Variants in TSPAN19 observed in about 807,000 individuals in gnomAD.
TSPAN19 encodes tetraspanin-19.
TSPAN19 carries 44 observed loss-of-function variants against 35.1 expected under a neutral mutation model. The ratio of observed to expected loss-of-function variants is 1.25; its 90% CI spans 0.98 to 1.61. TSPAN19 has a LOEUF of 1.61. Ranked by LOEUF, TSPAN19 falls within the 40% of genes most tolerant of loss-of-function variation. The pLI, the probability that TSPAN19 is intolerant of heterozygous loss-of-function variation, is 0.00. For synonymous variants in TSPAN19, 79 were observed against 92.0 expected (o/e 0.86, Z 0.81); for missense variants, 290 against 280.0 (o/e 1.04, Z -0.26).
chr12:85,021,070 A>G (rs1405386980), intron 5 of TSPAN19, among the ~76,000 whole-genome samples: 2 of 152,074 alleles, frequency 1.3e-5, no homozygotes, highest in African/African-American at 2.4e-5. Flanking sequence ...TAACTTAAGC[A>G]TTTACAAATT....
At chr12:85,035,118 C>A (rs1877895899) in intron 1 of TSPAN19, 1 of 152,058 alleles carries the variant, frequency 6.6e-6, no homozygotes, top group Non-Finnish European at 1.5e-5. Flanking sequence ...GAGGTTCGAA[C>A]ACAGTAGCTC....
chr12:85,027,277 T>A (rs1259789871), intron 4 of TSPAN19, among the ~76,000 whole-genome samples: 4 of 152,108 alleles, frequency 2.6e-5, no homozygotes, highest in Non-Finnish European at 5.9e-5. Flanking sequence ...TAGACACTAT[T>A]ATTAAAGAGG....
At chr12:85,022,467 C>T (rs35132098) in intron 5 of TSPAN19, among the ~76,000 whole-genome samples, 1,654 of 152,006 alleles carry the variant, frequency 0.011, 27 homozygotes, top group Admixed American at 0.042. Flanking sequence ...TTAATTAAGG[C>T]GAGGTAAGAG....
In TSPAN19 at chr12:85,023,485, G is replaced by A. The variant is rs1334329428; in HGVS notation, c.265-85C>T. On this transcript the variant is annotated intron_variant, in intron 4 of 8. Coordinates refer to ENST00000532498, the MANE Select transcript of TSPAN19 (RefSeq NM_001100917.2). ...AAATAATGGGAAAACACACACCATT[G>A]GAAATATGCAACCATAAAGTATATA... 31 of 1,076,202 alleles carry A rather than the reference G, an allele frequency of 2.9e-5. No homozygotes were observed. In the South Asian group the frequency reaches 3.6e-4, roughly 12 times the overall value. The allele number at this position is 1,076,202 out of a possible 1,614,324, so 66.7% of individuals were successfully genotyped here. A position where few individuals can be genotyped will look rare whatever the true frequency, so the allele number is the denominator to read the frequency against.
rs184891790 is a variant in TSPAN19 at position 85,025,430 on chromosome 12, A to T, written c.265-2030T>A. On this transcript the variant is annotated intron_variant, in intron 4 of 8. Coordinates refer to ENST00000532498, the MANE Select transcript of TSPAN19 (RefSeq NM_001100917.2). ...GTTGGGATTACAGGCGTGAGCCACCACACCCGGCATATGAAACAATTTTTA... is the reference window on the plus strand; with the variant it reads ...GTTGGGATTACAGGCGTGAGCCACCTCACCCGGCATATGAAACAATTTTTA... Among the ~76,000 whole-genome samples, 660 of 150,850 alleles carry T rather than the reference A, an allele frequency of 4.4e-3. 6 individuals are homozygous for T. The highest frequency in any genetic ancestry group is 6.8e-3 in the Non-Finnish European group (460 of 67,576).
At position 85,015,541 on chromosome 12, in the gene TSPAN19, T is replaced by C. The variant is rs1033685916; in HGVS notation, c.678+347A>G. 2.1e-3 allele frequency: 306 copies of C among 146,958 alleles called. 2 individuals are homozygous for C. Among genetic ancestry groups the C allele is most frequent in the South Asian group, 4.1e-3 (18 of 4,408 alleles). The allele number at this position is 146,958 out of a possible 1,614,324, so 9.1% of individuals were successfully genotyped here. ...CTCTTACTGCCAATATATGAACATA[T>C]ACACACACACACACACACACACACA... On this transcript the variant is annotated intron_variant, in intron 8 of 8. Transcript: ENST00000532498.
At position 85,032,650 on chromosome 12, in the gene TSPAN19, T is replaced by C. The variant is rs770704720; in HGVS notation, c.-27-2677A>G. Among the ~76,000 whole-genome samples, 7 of 152,194 alleles carry C rather than the reference T, an allele frequency of 4.6e-5. No homozygotes were observed. In the South Asian group the frequency reaches 6.2e-4, roughly 13 times the overall value. On this transcript the variant is annotated intron_variant, in intron 1 of 8. Transcript: ENST00000532498. Reference sequence around the variant, plus strand: ...AAAGAATGGTAAAATGAGATGTTCATGTGTTGGCTTTTTCAGCCATAAGCT... The same window carrying C: ...AAAGAATGGTAAAATGAGATGTTCACGTGTTGGCTTTTTCAGCCATAAGCT...
chr12:85,034,630 T>A (rs1417228633), intron 1 of TSPAN19, among the ~76,000 whole-genome samples: 1 of 152,198 alleles, frequency 6.6e-6, no homozygotes, highest in Admixed American at 6.5e-5. Flanking sequence ...CTAGGAATAA[T>A]GCAATTAAAA....
chr12:85,017,285 G>A, intron 7 of TSPAN19, 171 bp downstream of exon 7: 1 of 597,788 alleles, frequency 1.7e-6, no homozygotes, highest in East Asian at 2.9e-5. Context: ...CACTGGAAAT[G>A]ACACTACAAT....
In TSPAN19 at chr12:85,029,778, A is replaced by C; in HGVS notation, c.80T>G (p.Leu27Ter). The C allele has an allele frequency of 6.5e-7, 1 of 1,544,918 alleles. No homozygotes were observed. Among genetic ancestry groups the C allele is most frequent in the Non-Finnish European group, 8.7e-7 (1 of 1,145,434 alleles). ...GAGCCATGCACCAAATCCCATGAAT[A>C]AAAGTCCAAGAACCTAAAAAAAGAA... ...INGAFLVLGL[L>*]FMGFGAWLLL... is the part of the protein sequence containing the mutation. Residue 27 changes from leucine to a stop codon, truncating the protein, a stop_gained, in exon 3 of 9, where the codon TTA becomes TGA. Coordinates refer to ENST00000532498, the MANE Select transcript of TSPAN19 (RefSeq NM_001100917.2). LOFTEE classifies it high-confidence loss of function.
At chr12:85,018,973 GT>G (rs879707558) in intron 6 of TSPAN19, among the ~76,000 whole-genome samples, 7 of 151,704 alleles carry the variant, frequency 4.6e-5, no homozygotes, top group Non-Finnish European at 8.8e-5. Context: ...ATCTATTTCT[GT>G]AAACCATTTA....
At chr12:85,034,835 C>T (rs1046232920) in intron 1 of TSPAN19, among the ~76,000 whole-genome samples, 4 of 152,088 alleles carry the variant, frequency 2.6e-5, no homozygotes, top group Non-Finnish European at 4.4e-5. Context: ...GATCTATCAC[C>T]ATGAATTAAT....
chr12:85,031,106 C>T (rs1022729117), intron 1 of TSPAN19, among the ~76,000 whole-genome samples: 2 of 152,088 alleles, frequency 1.3e-5, no homozygotes, highest in Non-Finnish European at 2.9e-5. Flanking sequence ...CCTACTTTAT[C>T]GTAAACCATC....
intron 3 of TSPAN19, among the ~76,000 whole-genome samples, chr12:85,029,094 C>G (rs1194620065): frequency 6.6e-6 from 1 of 152,080 alleles, no homozygotes. Flanking sequence ...ATTATAGGCA[C>G]TTTGTTTTTC....
At chr12:85,017,687 G>T (rs1282889463) in intron 6 of TSPAN19, 88 bp from the exon 7 acceptor site, 7 of 974,214 alleles carry the variant, frequency 7.2e-6, no homozygotes, top group Non-Finnish European at 1.0e-5. Flanking sequence ...TTTTTGTGAT[G>T]AAGATAACTC....
chr12:85,027,052 G>C (rs1371292129), intron 4 of TSPAN19, among the ~76,000 whole-genome samples: 1 of 152,140 alleles, frequency 6.6e-6, no homozygotes, highest in Non-Finnish European at 1.5e-5. Flanking sequence ...TATTTCATCT[G>C]AGTGTGTGAA....
Position 85,017,578 on chromosome 12 carries a change from TA to T in TSPAN19, c.471del (p.His157GlnfsTer7). 6.3e-7 allele frequency: 1 copy of T among 1,585,186 alleles called. No homozygotes were observed. The highest frequency in any genetic ancestry group is 8.6e-7 in the Non-Finnish European group (1 of 1,164,468). On this transcript the variant is annotated frameshift_variant, in exon 7 of 9. Coordinates refer to ENST00000532498, the MANE Select transcript of TSPAN19 (RefSeq NM_001100917.2). LOFTEE classifies it high-confidence loss of function. ...TTATTCTTTATCCAGTCTGTGTAAT[TA>T]TGTTGGCCACAACACTGTAACTAGG... ...LQKTLQCCGQ[H>X]NYTDWIKNKN... is the part of the protein sequence containing the mutation.
intron 5 of TSPAN19, among the ~76,000 whole-genome samples, chr12:85,020,286 T>C (rs953787848): frequency 6.6e-6 from 1 of 151,982 alleles, no homozygotes; most frequent in Admixed American, 6.6e-5. Context: ...TCTCCAAGCC[T>C]GTTTTGCGTC....
At chr12:85,030,621 T>A (rs1282736430) in intron 1 of TSPAN19, among the ~76,000 whole-genome samples, 1 of 152,134 alleles carries the variant, frequency 6.6e-6, no homozygotes, top group Non-Finnish European at 1.5e-5. Context: ...AGGTACTTGA[T>A]ATATATTTGT....
Sources: allele counts gnomAD v4.1 joint callset (sites outside exome capture counted in the v4.1 genomes callset), GRCh38; gene constraint gnomAD v4.1.1; transcripts MANE v1.5; gene names NCBI Gene and HGNC (gene_info 2026-07-23, HGNC 2026-07-21).